SLC38A1: variants seen among roughly 807,000 people sequenced by gnomAD.
SLC38A1 encodes sodium-coupled neutral amino acid symporter 1.
SLC38A1 carries 18 observed loss-of-function variants against 60.3 expected under a neutral mutation model. The observed-to-expected ratio is 0.30, with a 90% confidence interval of 0.21 to 0.44. SLC38A1 has a LOEUF of 0.44. Ranked by LOEUF, SLC38A1 falls within the 20% of genes least tolerant of loss-of-function variation. The pLI is 1.00. For synonymous variants in SLC38A1, 196 were observed against 212.1 expected (o/e 0.92, Z 0.66); for missense variants, 448 against 587.2 (o/e 0.76, Z 2.45).
chr12:46,193,224 C>T (rs1458994960), intron 16 of SLC38A1, among the ~76,000 whole-genome samples: 4 of 152,126 alleles, frequency 2.6e-5, no homozygotes, highest in African/African-American at 9.7e-5. Flanking sequence ...TTTTCAGTTT[C>T]CATGTAGTTG....
At chr12:46,260,737 C>A (rs1478582700) in intron 1 of SLC38A1, among the ~76,000 whole-genome samples, 1 of 152,124 alleles carries the variant, frequency 6.6e-6, no homozygotes. Context: ...TTTCATACAA[C>A]CTCATATCTA....
At chr12:46,246,370 G>A (rs80252101) in intron 1 of SLC38A1, among the ~76,000 whole-genome samples, 5,943 of 152,320 alleles carry the variant, frequency 0.039, 331 homozygotes, top group East Asian at 0.26. Context: ...CGCCTGGATC[G>A]GCAGGTCCCA....
At chr12:46,204,166 G>T in intron 11 of SLC38A1, 135 bp downstream of exon 11, 1 of 689,352 alleles carries the variant, frequency 1.5e-6, no homozygotes. Context: ...CTACATAGAT[G>T]TGTAATCTGG....
rs1193520025 is a variant in SLC38A1 at position 46,196,081 on chromosome 12, T to C, written c.1362+1639A>G. The C allele has an allele frequency of 4.0e-6, 6 of 1,493,322 alleles. No homozygotes were observed. The South Asian group carries it at 6.1e-5, about 15-fold the overall frequency. 92.5% of individuals were successfully genotyped at this position (1,493,322 alleles called of 1,614,324 possible). ...CCAGAGCTGTTCCTATTTGGCTATC[T>C]TGGAAGCAACCTCAGGTATTTCTTT... is the stretch of plus-strand genomic sequence containing the variant. On this transcript the variant is annotated intron_variant, in intron 16 of 16. Transcript: ENST00000398637.
chr12:46,238,815 C>T (rs916106359), intron 3 of SLC38A1, among the ~76,000 whole-genome samples: 12 of 152,352 alleles, frequency 7.9e-5, no homozygotes, highest in African/African-American at 2.9e-4. Context: ...CATTGCTTCT[C>T]TCCTCAGTTG....
chr12:46,236,240 TTA>T (rs1491561133), intron 3 of SLC38A1, among the ~76,000 whole-genome samples: 1 of 152,194 alleles, frequency 6.6e-6, no homozygotes, highest in Admixed American at 6.5e-5. Context: ...TTGCAATTTT[TTA>T]TGTGTGAAAA....
chr12:46,190,116 T>A (rs1414165517), intron 16 of SLC38A1, among the ~76,000 whole-genome samples: 2 of 152,110 alleles, frequency 1.3e-5, no homozygotes, highest in African/African-American at 4.8e-5. Flanking sequence ...GGCCCTGGTG[T>A]GTGATATTCT....
At chr12:46,194,623 G>A (rs1312760886) in intron 16 of SLC38A1, among the ~76,000 whole-genome samples, 1 of 152,134 alleles carries the variant, frequency 6.6e-6, no homozygotes, top group Non-Finnish European at 1.5e-5. Flanking sequence ...TGGAGGCTTT[G>A]TTCATTTCTT....
At chr12:46,197,645 G>C (rs1365392099) in intron 16 of SLC38A1, 75 bp downstream of exon 16, 1 of 947,342 alleles carries the variant, frequency 1.1e-6, no homozygotes, top group Non-Finnish European at 1.7e-6. Flanking sequence ...TCTTGATAGA[G>C]AGGTGGACTA....
At chr12:46,244,853 C>A (rs569322748) in intron 1 of SLC38A1, among the ~76,000 whole-genome samples, 1 of 152,302 alleles carries the variant, frequency 6.6e-6, no homozygotes, top group African/African-American at 2.4e-5. Context: ...TGAAACTAAA[C>A]CCTGACTGAT....
intron 16 of SLC38A1, among the ~76,000 whole-genome samples, chr12:46,195,018 G>GT (rs1939303354): frequency 6.6e-6 from 1 of 152,044 alleles, no homozygotes; most frequent in East Asian, 1.9e-4. Flanking sequence ...AGAGGTGCTT[G>GT]TTTTTTGGAA....
intron 16 of SLC38A1, among the ~76,000 whole-genome samples, chr12:46,194,509 T>C (rs1939281628): frequency 6.6e-6 from 1 of 152,232 alleles, no homozygotes; most frequent in Non-Finnish European, 1.5e-5. Context: ...TTCTCCTCGA[T>C]AGTATCCTGA....
chr12:46,240,689 T>G (rs966914095), intron 2 of SLC38A1, among the ~76,000 whole-genome samples: 3 of 152,194 alleles, frequency 2.0e-5, no homozygotes, highest in Non-Finnish European at 4.4e-5. Flanking sequence ...AAATTTATGT[T>G]TTGAAATTTT....
At chr12:46,208,122 T>G (rs1189333600) in intron 6 of SLC38A1, among the ~76,000 whole-genome samples, 1 of 152,204 alleles carries the variant, frequency 6.6e-6, no homozygotes, top group Non-Finnish European at 1.5e-5. Context: ...TAGAAACATT[T>G]TAATAGCCAC....
In SLC38A1 at chr12:46,183,833, T is replaced by A. The variant is rs1938848317; in HGVS notation, c.*5137A>T. 1 of 152,284 alleles carries A rather than the reference T, an allele frequency of 6.6e-6. No homozygotes were observed. Among genetic ancestry groups the A allele is most frequent in the African/African-American group, 2.4e-5 (1 of 41,444 alleles). The allele number at this position is 152,284 out of a possible 1,614,324, so 9.4% of individuals were successfully genotyped here. On this transcript the variant is annotated 3_prime_UTR_variant, in exon 17 of 17. Transcript: ENST00000398637. Reference sequence around the variant, plus strand: ...TTAAGTAGGGTTTCAGGTTCCAAGTTTACATTGAGAGAACTATGTTACCTG... The same window carrying A: ...TTAAGTAGGGTTTCAGGTTCCAAGTATACATTGAGAGAACTATGTTACCTG...
rs566947188 is a variant in SLC38A1 at position 46,194,071 on chromosome 12, C to T, written c.1362+3649G>A. 5.3e-5 allele frequency among the ~76,000 whole-genome samples: 8 copies of T among 152,260 alleles called. No homozygotes were observed. In the South Asian group the frequency reaches 8.3e-4, roughly 16 times the overall value. Reference sequence around the variant, plus strand: ...TGGCATGTTTTTGCAGTGGCTGGTACTGGTTGGTCCTTTCCATGTTTAGTG... The same window carrying T: ...TGGCATGTTTTTGCAGTGGCTGGTATTGGTTGGTCCTTTCCATGTTTAGTG... On this transcript the variant is annotated intron_variant, in intron 16 of 16. Coordinates refer to ENST00000398637, the MANE Select transcript of SLC38A1 (RefSeq NM_030674.4).
chr12:46,196,689 G>A (rs1017336669), intron 16 of SLC38A1, among the ~76,000 whole-genome samples: 3 of 152,136 alleles, frequency 2.0e-5, no homozygotes, highest in African/African-American at 7.2e-5. Flanking sequence ...ATCTGGATCT[G>A]TTGACTCAGG....
intron 1 of SLC38A1, among the ~76,000 whole-genome samples, chr12:46,267,950 C>T (rs1942412154): frequency 6.6e-6 from 1 of 152,214 alleles, no homozygotes; most frequent in African/African-American, 2.4e-5. Flanking sequence ...CCTCCTACTT[C>T]CCCGCGTTAC....
chr12:46,213,559 A>G (rs1188609390), intron 5 of SLC38A1, among the ~76,000 whole-genome samples: 1 of 152,216 alleles, frequency 6.6e-6, no homozygotes, highest in Non-Finnish European at 1.5e-5. Flanking sequence ...GAAGCCTGGA[A>G]GTCGACCTTA....
Sources: gnomAD v4.1 joint callset for allele counts (sites outside exome capture counted in the v4.1 genomes callset) on GRCh38, gnomAD v4.1.1 for gene constraint, MANE v1.5 for transcripts, NCBI Gene and HGNC (gene_info 2026-07-23, HGNC 2026-07-21) for gene names.